ANKRD36C: variants seen among roughly 807,000 people sequenced by gnomAD.
The protein encoded by ANKRD36C is ankyrin repeat domain-containing protein 36C.
ANKRD36C carries 61 observed loss-of-function variants against 276.4 expected under a neutral mutation model. The ratio of observed to expected loss-of-function variants is 0.22; its 90% CI spans 0.18 to 0.27. The LOEUF (loss-of-function observed/expected upper bound fraction) is 0.27. Ranked by LOEUF, ANKRD36C falls within the 10% of genes least tolerant of loss-of-function variation. ANKRD36C has a pLI of 1.00. For missense variants in ANKRD36C, 1,447 were observed against 2,032.3 expected (o/e 0.71, Z 5.54); for synonymous variants, 483 against 680.1 (o/e 0.71, Z 4.51).
intron 6 of ANKRD36C, among the ~76,000 whole-genome samples, chr2:95,972,369 T>C (rs147827537): frequency 1.3e-5 from 2 of 152,350 alleles, no homozygotes; most frequent in Non-Finnish European, 2.9e-5. Flanking sequence ...AGACTCATAC[T>C]GGTAGACAAT....
chr2:95,919,325 A>G (rs548155833), intron 34 of ANKRD36C, among the ~76,000 whole-genome samples: 2 of 133,332 alleles, frequency 1.5e-5, no homozygotes, highest in African/African-American at 5.1e-5. Flanking sequence ...TACAGTGTCT[A>G]TAGGTTATTA....
intron 44 of ANKRD36C, among the ~76,000 whole-genome samples, chr2:95,897,710 A>T (rs1207951613): frequency 1.4e-5 from 2 of 146,834 alleles, no homozygotes; most frequent in Admixed American, 1.4e-4. Flanking sequence ...CAAAAACTAA[A>T]ATAAAACCAT....
At chr2:95,986,825 C>T in exon 3 of ANKRD36C, 3 of 1,611,796 alleles carry the variant, frequency 1.9e-6, no homozygotes, top group Non-Finnish European at 2.5e-6. Context: ...TTATACACAG[C>T]GTAGTGCAGA....
At chr2:95,897,186 C>T (rs576172337) in intron 44 of ANKRD36C, 84 bp downstream of exon 60, 11 of 1,144,460 alleles carry the variant, frequency 9.6e-6, no homozygotes, top group East Asian at 2.7e-5. Flanking sequence ...GCAGCTTCAA[C>T]GAGCCCCCCG....
At chr2:95,960,211 C>T (rs1678423969) in intron 10 of ANKRD36C, among the ~76,000 whole-genome samples, 1 of 152,048 alleles carries the variant, frequency 6.6e-6, no homozygotes, top group Admixed American at 6.6e-5. Context: ...ATGCTGTCCC[C>T]TCAGCCTGTT....
At chr2:95,871,857 G>A (rs1338985497) in intron 59 of ANKRD36C, among the ~76,000 whole-genome samples, 6 of 150,276 alleles carry the variant, frequency 4.0e-5, no homozygotes, top group Non-Finnish European at 5.9e-5. Flanking sequence ...AAAAGGCAGG[G>A]GTTGCAATCC....
At chr2:95,908,848 G>A (rs1233627924) in intron 42 of ANKRD36C, among the ~76,000 whole-genome samples, 151 bp from the exon 47 acceptor site, 1 of 151,328 alleles carries the variant, frequency 6.6e-6, no homozygotes, top group East Asian at 2.0e-4. Flanking sequence ...ACTAGAACAT[G>A]ACAGAAATAC....
chr2:95,881,088 A>G (rs1203413222), intron 56 of ANKRD36C, among the ~76,000 whole-genome samples: 2 of 152,186 alleles, frequency 1.3e-5, no homozygotes, highest in African/African-American at 2.4e-5. Flanking sequence ...ACACAATTAC[A>G]ATGACACTTC....
intron 6 of ANKRD36C, among the ~76,000 whole-genome samples, chr2:95,965,780 G>GAT (rs145122711): frequency 1.7e-3 from 255 of 150,884 alleles, no homozygotes; most frequent in African/African-American, 2.6e-3. Context: ...GGATAGATCT[G>GAT]ATATATATAT....
intron 12 of ANKRD36C, among the ~76,000 whole-genome samples, chr2:95,957,725 A>G (rs1295153671): frequency 6.6e-6 from 1 of 152,248 alleles, no homozygotes; most frequent in Non-Finnish European, 1.5e-5. Context: ...TTAGGTGTCA[A>G]TTAAAGAATT....
At chr2:95,876,304 T>C (rs1306206613) in intron 59 of ANKRD36C, 135 bp downstream of exon 79, 1 of 743,326 alleles carries the variant, frequency 1.3e-6, no homozygotes, top group African/African-American at 1.7e-5. Flanking sequence ...TAAATGTTTT[T>C]AAAATGAAAT....
intron 19 of ANKRD36C, among the ~76,000 whole-genome samples, chr2:95,943,391 A>G (rs1033590083): frequency 6.6e-6 from 1 of 151,498 alleles, no homozygotes; most frequent in Non-Finnish European, 1.5e-5. Context: ...AGGCTGAGGC[A>G]GGAGAATGGC....
chr2:95,914,069 C>G (rs776254209), intron 40 of ANKRD36C, 39 bp downstream of exon 42: 2 of 1,519,122 alleles, frequency 1.3e-6, no homozygotes, highest in Admixed American at 3.9e-5. Flanking sequence ...TCTTATCTAT[C>G]TCGACTGATC....
At chr2:95,965,966 T>G (rs1344538251) in intron 6 of ANKRD36C, among the ~76,000 whole-genome samples, 2 of 152,120 alleles carry the variant, frequency 1.3e-5, no homozygotes, top group Non-Finnish European at 2.9e-5. Flanking sequence ...TAAAAAAAAT[T>G]TAATTCAAGT....
At chr2:95,873,585 G>GCATT (rs1675866066) in intron 59 of ANKRD36C, among the ~76,000 whole-genome samples, 1 of 152,214 alleles carries the variant, frequency 6.6e-6, no homozygotes, top group Non-Finnish European at 1.5e-5. Context: ...AAAACTGGAA[G>GCATT]CATTCCCTTT....
Position 95,914,236 on chromosome 2 carries a change from G to A in ANKRD36C, c.2478+39C>T, listed in dbSNP as rs183104255. 2.7e-3 allele frequency: 4,215 copies of A among 1,556,296 alleles called. 5 individuals carry two copies. Among genetic ancestry groups the A allele is most frequent in the Non-Finnish European group, 3.4e-3 (3,926 of 1,148,368 alleles). Reference sequence around the variant, plus strand: ...TAATAAAGTATGTTTCATAGACTATGCATTTACTAGGTCACAATATAAATG... The same window carrying A: ...TAATAAAGTATGTTTCATAGACTATACATTTACTAGGTCACAATATAAATG... On this transcript the variant is annotated intron_variant, in intron 39 of 66. Coordinates refer to ENST00000456556, the Ensembl canonical transcript of ANKRD36C.
chr2:95,934,517 T>C (rs12465634), intron 24 of ANKRD36C, among the ~76,000 whole-genome samples: 49,215 of 145,216 alleles, frequency 0.34, 9,301 homozygotes, highest in East Asian at 0.49. Context: ...GAAAACCAAA[T>C]GCCACATTTT....
rs1412025324 is a variant in ANKRD36C, at chr2:95,891,587, C to T, written c.2857+78G>A. 1.3e-5 allele frequency: 19 copies of T among 1,474,068 alleles called. No homozygotes were observed. In the Admixed American group the frequency reaches 4.0e-4, roughly 31 times the overall value. The allele number at this position is 1,474,068 out of a possible 1,614,324, so 91.3% of individuals were successfully genotyped here. A position where few individuals can be genotyped will look rare whatever the true frequency, so the allele number is the denominator to read the frequency against. On this transcript the variant is annotated intron_variant, in intron 46 of 66. Transcript: ENST00000456556. ...TCAGAATGTGCAGCTTCAACGAACC[C>T]CCCGCTGATTTATTCAGGGAAGAGA...
chr2:95,889,183 T>C (rs1676273650), intron 48 of ANKRD36C, among the ~76,000 whole-genome samples: 1 of 151,560 alleles, frequency 6.6e-6, no homozygotes, highest in African/African-American at 2.4e-5. Flanking sequence ...TCTAGCATAG[T>C]TTCCTGCTTC....
Sources: gnomAD v4.1 joint callset for allele counts (sites outside exome capture counted in the v4.1 genomes callset) on GRCh38, gnomAD v4.1.1 for gene constraint, MANE v1.5 for transcripts, NCBI Gene and HGNC (gene_info 2026-07-23, HGNC 2026-07-21) for gene names.